IRGC: variants seen among roughly 807,000 people sequenced by gnomAD.
IRGC encodes the protein immunity related GTPase cinema, also known as interferon-inducible GTPase 5.
In IRGC, 4 loss-of-function variants were observed where a neutral mutation model predicts 16.1. The ratio of observed to expected loss-of-function variants is 0.25; its 90% CI spans 0.12 to 0.57. IRGC has a LOEUF of 0.57. Ranked by LOEUF, IRGC falls within the 20% of genes least tolerant of loss-of-function variation. IRGC has a pLI of 0.92. For synonymous variants in IRGC, 307 were observed against 299.5 expected (o/e 1.03, Z -0.26); for missense variants, 570 against 643.9 (o/e 0.89, Z 1.24).
chr19:43,719,994 T>C lies in IRGC; in HGVS notation c.*44T>C. On this transcript the variant is annotated 3_prime_UTR_variant, in exon 2 of 2. Coordinates refer to ENST00000244314, the MANE Select transcript of IRGC (RefSeq NM_019612.4). ...CCTGCCTCACCCACAAACTAAGTCT[T>C]AACAAAATCCAAATTACCAACAAAA... 6.3e-7 allele frequency: 1 copy of C among 1,599,424 alleles called. No homozygotes were observed. The highest frequency in any genetic ancestry group is 8.5e-7 in the Non-Finnish European group (1 of 1,173,192).
chr19:43,717,769 A>T (rs1005136620), intron 1 of IRGC, among the ~76,000 whole-genome samples: 2 of 152,334 alleles, frequency 1.3e-5, no homozygotes, highest in African/African-American at 4.8e-5. Context: ...CCCTGGTTCA[A>T]ATATTATAAA....
rs763558549 is a variant in IRGC at position 43,719,466 on chromosome 19, G to A, written c.908G>A (p.Arg303His). The change falls in exon 2 of 2, where the codon CGC (arginine) becomes CAC (histidine). Residue 303 changes from arginine (R) to histidine (H), a missense_variant. Arg to His is a conservative substitution (Grantham distance 29). Transcript: ENST00000244314. ...ATCCACTCACTGCGTGGCTACCACC[G>A]CAGCTTTGGTCTGGACGACGACTCG... ...LLIHSLRGYH[R>H]SFGLDDDSLA... 7 of 1,602,724 alleles carry A rather than the reference G, an allele frequency of 4.4e-6. No individual in the cohort carries two copies. Among genetic ancestry groups the A allele is most frequent in the East Asian group, 2.2e-5 (1 of 44,736 alleles).
intron 1 of IRGC, among the ~76,000 whole-genome samples, chr19:43,717,100 G>A (rs933380142): frequency 6.6e-6 from 1 of 152,098 alleles, no homozygotes; most frequent in Non-Finnish European, 1.5e-5. Flanking sequence ...ACCCCGGGAG[G>A]CAAGGGCTGC....
intron 1 of IRGC, among the ~76,000 whole-genome samples, chr19:43,716,681 G>A (rs1030601241): frequency 6.6e-6 from 1 of 152,162 alleles, no homozygotes; most frequent in African/African-American, 2.4e-5. Context: ...GGGTGGAGTG[G>A]GGTAGCAGAG....
At chr19:43,717,474 G>A (rs1968188288) in intron 1 of IRGC, among the ~76,000 whole-genome samples, 1 of 152,212 alleles carries the variant, frequency 6.6e-6, no homozygotes, top group Non-Finnish European at 1.5e-5. Context: ...GGTTTGCCAG[G>A]ATTGTAGGTA....
Position 43,719,836 on chromosome 19 carries a change from G to C in IRGC, c.1278G>C (p.Gly426=). The C allele has an allele frequency of 6.2e-7, 1 of 1,614,056 alleles. No homozygotes were observed. Residue 426 remains glycine, a synonymous_variant, in exon 2 of 2, where the codon GGG becomes GGC. Transcript: ENST00000244314. ...EVASDNGVEK[G]GSGEGGGEEA... ...CCAGTGACAATGGCGTGGAAAAGGG[G>C]GGCTCCGGGGAGGGAGGTGGGGAGG...
Position 43,718,956 on chromosome 19 carries a change from G to A in IRGC, c.398G>A (p.Arg133His), listed in dbSNP as rs756583638. The change falls in exon 2 of 2, where the codon CGC becomes CAC. Residue 133 changes from arginine to histidine, a missense_variant. Physicochemically the swap from Arg to His is conservative, Grantham distance 29. Transcript: ENST00000244314. Reference sequence around the variant, plus strand: ...TACCTAAAGCAGGTAGACTTCAGCCGCTATGACTTCTTCCTGCTGGTCTCC... The same window carrying A: ...TACCTAAAGCAGGTAGACTTCAGCCACTATGACTTCTTCCTGCTGGTCTCC... ...DKYLKQVDFS[R>H]YDFFLLVSPR... The A allele has an allele frequency of 8.7e-6, 14 of 1,610,902 alleles. No homozygotes were observed. The East Asian group carries it at 2.0e-4, about 23-fold the overall frequency.
In IRGC at chr19:43,719,614, C is replaced by T. The variant is rs560626765; in HGVS notation, c.1056C>T (p.Asp352=). The change falls in exon 2 of 2, where the codon GAC becomes GAT. Residue 352 remains aspartate, a synonymous_variant. Transcript: ENST00000244314. The part of the protein sequence containing the change: ...TVLRLYSQSS[D]GAMRVARAFE... The stretch of plus-strand genomic sequence containing the variant: ...TGCGGCTCTATTCCCAGTCGTCCGA[C>T]GGCGCCATGCGGGTGGCCCGCGCCT... 142 of 1,603,824 alleles carry T rather than the reference C, an allele frequency of 8.9e-5. No homozygotes were observed. In the Middle Eastern group the frequency reaches 1.6e-3, roughly 19 times the overall value.
Position 43,719,191 on chromosome 19 carries a change from C to T in IRGC, c.633C>T (p.Arg211=), listed in dbSNP as rs1314602977. The T allele has an allele frequency of 1.2e-6, 2 of 1,608,432 alleles. No individual in the cohort carries two copies. Among genetic ancestry groups the T allele is most frequent in the Non-Finnish European group, 1.7e-6 (2 of 1,179,706 alleles). Residue 211 remains arginine, a synonymous_variant, in exon 2 of 2, where the codon CGC becomes CGT. Transcript: ENST00000244314. ...RLREAGVADP[R]IFLVSNLSPA... is the part of the protein sequence containing the mutation. Reference sequence around the variant, plus strand: ...GGGAGGCCGGCGTGGCTGACCCTCGCATCTTCCTGGTGTCCAACCTCTCGC... The same window carrying T: ...GGGAGGCCGGCGTGGCTGACCCTCGTATCTTCCTGGTGTCCAACCTCTCGC...
chr19:43,716,667 T>A (rs1036571530), intron 1 of IRGC, among the ~76,000 whole-genome samples: 1 of 151,490 alleles, frequency 6.6e-6, no homozygotes, highest in African/African-American at 2.4e-5. Flanking sequence ...CATATTTCTG[T>A]GGGGGGTGGA....
rs1278299749 is a variant in IRGC, at chr19:43,716,105, G to C, written c.-104G>C. ...AAGAGGGAAGGAGATCCTATCAGTG[G>C]GGAGAGTGTGAGGGGAGAGGGAGAG... is the stretch of plus-strand genomic sequence containing the variant. On this transcript the variant is annotated 5_prime_UTR_variant, in exon 1 of 2. Coordinates refer to ENST00000244314, the MANE Select transcript of IRGC (RefSeq NM_019612.4). 1 of 152,566 alleles carries C rather than the reference G, an allele frequency of 6.6e-6. No individual in the cohort carries two copies. Among genetic ancestry groups the C allele is most frequent in the Non-Finnish European group, 1.5e-5 (1 of 68,326 alleles). 9.5% of individuals were successfully genotyped at this position (152,566 alleles called of 1,614,324 possible). A position where few individuals can be genotyped will look rare whatever the true frequency, so the allele number is the denominator to read the frequency against.
Position 43,719,445 on chromosome 19 carries a change from A to T in IRGC, c.887A>T (p.His296Leu). 1.9e-6 allele frequency: 3 copies of T among 1,602,334 alleles called. No individual in the cohort carries two copies. Among genetic ancestry groups the T allele is most frequent in the African/African-American group, 1.3e-5 (1 of 74,848 alleles). The change falls in exon 2 of 2, where the codon CAC becomes CTC. Residue 296 changes from histidine (H) to leucine (L), a missense_variant. By Grantham distance (99) the His-to-Leu change is moderately conservative. Coordinates refer to ENST00000244314, the MANE Select transcript of IRGC (RefSeq NM_019612.4). The stretch of plus-strand genomic sequence containing the variant: ...GCCTACGATGATGCGTTGCTCATCC[A>T]CTCACTGCGTGGCTACCACCGCAGC... ...AAAYDDALLI[H>L]SLRGYHRSFG...
rs962886827 is a variant in IRGC, at chr19:43,718,630, G to A, written c.72G>A (p.Leu24=). The A allele has an allele frequency of 2.5e-6, 4 of 1,613,182 alleles. No individual in the cohort carries two copies. Among genetic ancestry groups the A allele is most frequent in the African/African-American group, 1.3e-5 (1 of 75,050 alleles). Residue 24 remains leucine (L), a synonymous_variant, in exon 2 of 2, where the codon CTG becomes CTA. Transcript: ENST00000244314. The part of the protein sequence containing the change: ...ENTILMAKER[L]EALRTAFESG... Reference sequence around the variant, plus strand: ...CCATCCTTATGGCCAAGGAAAGGCTGGAGGCCCTGCGCACAGCCTTTGAGT... The same window carrying A: ...CCATCCTTATGGCCAAGGAAAGGCTAGAGGCCCTGCGCACAGCCTTTGAGT...
chr19:43,718,419 C>T (rs1968202100), intron 1 of IRGC, 74 bp from the exon 2 acceptor site: 18 of 1,442,196 alleles, frequency 1.2e-5, no homozygotes, highest in Non-Finnish European at 1.5e-5. Flanking sequence ...ACTCCCTTCA[C>T]ATCCGTGGTA....
rs1968250181 is a variant in IRGC, at chr19:43,720,014, A to C, written c.*64A>C. On this transcript the variant is annotated 3_prime_UTR_variant, in exon 2 of 2. Coordinates refer to ENST00000244314, the MANE Select transcript of IRGC (RefSeq NM_019612.4). ...AGTCTTAACAAAATCCAAATTACCA[A>C]CAAAAAAGGCCGATGTGGTGAATGT... 7.1e-6 allele frequency: 11 copies of C among 1,549,802 alleles called. No homozygotes were observed. The highest frequency in any genetic ancestry group is 2.3e-5 in the East Asian group (1 of 43,970).
Position 43,718,954 on chromosome 19 carries a change from C to A in IRGC, c.396C>A (p.Ser132Arg). The A allele has an allele frequency of 6.2e-7, 1 of 1,611,156 alleles. No individual in the cohort carries two copies. Among genetic ancestry groups the A allele is most frequent in the Non-Finnish European group, 8.5e-7 (1 of 1,179,136 alleles). Residue 132 changes from serine to arginine, a missense_variant, in exon 2 of 2, where the codon AGC (serine) becomes AGA (arginine). By Grantham distance (110) the Ser-to-Arg change is moderately radical. Coordinates refer to ENST00000244314, the MANE Select transcript of IRGC (RefSeq NM_019612.4). ...ADKYLKQVDF[S>R]RYDFFLLVSP... ...AGTACCTAAAGCAGGTAGACTTCAG[C>A]CGCTATGACTTCTTCCTGCTGGTCT...
In IRGC at chr19:43,719,260, C is replaced by T. The variant is rs34471331; in HGVS notation, c.702C>T (p.His234=). ...CCACGCTGGTGTCCACCTGGGAGCA[C>T]GACCTGCCCTCCCACCGGCGCCACG... The part of the protein sequence containing the change: ...DFPTLVSTWE[H]DLPSHRRHAG... Residue 234 remains histidine (H), a synonymous_variant, in exon 2 of 2, where the codon CAC becomes CAT. Transcript: ENST00000244314. The T allele has an allele frequency of 0.099, 158,997 of 1,608,216 alleles. 8,529 individuals are homozygous for T. Among genetic ancestry groups the T allele is most frequent in the Middle Eastern group, 0.13 (763 of 6,026 alleles).
Position 43,719,534 on chromosome 19 carries a change from C to G in IRGC, c.976C>G (p.Leu326Val). The G allele has an allele frequency of 6.2e-7, 1 of 1,602,930 alleles. No homozygotes were observed. The highest frequency in any genetic ancestry group is 8.5e-7 in the Non-Finnish European group (1 of 1,179,714). Residue 326 changes from leucine to valine, a missense_variant, in exon 2 of 2, where the codon CTG becomes GTG. Physicochemically the swap from Leu to Val is conservative, Grantham distance 32. Coordinates refer to ENST00000244314, the MANE Select transcript of IRGC (RefSeq NM_019612.4). ...AEQVGKQAGD[L>V]RSVIRSPLAN... ...GCAGGTGGGCAAACAGGCAGGTGAC[C>G]TGCGCTCGGTCATCCGCTCCCCACT... is the stretch of plus-strand genomic sequence containing the variant.
chr19:43,716,311 G>A (rs1074204), intron 1 of IRGC, among the ~76,000 whole-genome samples, 169 bp downstream of exon 1: 1 of 152,170 alleles, frequency 6.6e-6, no homozygotes, highest in South Asian at 2.1e-4. Context: ...ATACTAGGGA[G>A]AGGGCACACC....
Sources: gnomAD v4.1 joint callset for allele counts (sites outside exome capture counted in the v4.1 genomes callset) on GRCh38, gnomAD v4.1.1 for gene constraint, MANE v1.5 for transcripts, NCBI Gene and HGNC (gene_info 2026-07-23, HGNC 2026-07-21) for gene names.